The following SLC9A9 variants were observed in gnomAD, a reference collection of about 807,000 sequenced individuals.
SLC9A9 encodes the protein solute carrier family 9 member A9.
In SLC9A9, 62 loss-of-function variants were observed where a neutral mutation model predicts 77.8. That is an observed-to-expected ratio of 0.80 (90% CI 0.65 to 0.98). The LOEUF (loss-of-function observed/expected upper bound fraction) is 0.98. Ranked by LOEUF, SLC9A9 falls within the 50% of genes least tolerant of loss-of-function variation. The pLI is 0.00. For missense variants in SLC9A9, 775 were observed against 774.9 expected (o/e 1.00, Z 0.00); for synonymous variants, 320 against 283.5 (o/e 1.13, Z -1.29).
intron 1 of SLC9A9, among the ~76,000 whole-genome samples, chr3:143,846,014 T>C (rs1407082401): frequency 1.3e-5 from 2 of 152,212 alleles, no homozygotes; most frequent in South Asian, 2.1e-4. Flanking sequence ...TCAATAGCAG[T>C]GGTCAATGAA....
chr3:143,431,307 AC>A (rs1394331740), intron 12 of SLC9A9, among the ~76,000 whole-genome samples: 2 of 152,136 alleles, frequency 1.3e-5, no homozygotes. Flanking sequence ...AGCACATAGA[AC>A]CATGAATTAT....
intron 4 of SLC9A9, among the ~76,000 whole-genome samples, chr3:143,742,347 C>T (rs902287067): frequency 7.9e-5 from 12 of 152,170 alleles, no homozygotes; most frequent in African/African-American, 1.4e-4. Flanking sequence ...AATAAAACTC[C>T]GGTCTCCCAC....
chr3:143,637,274 A>T (rs558881506), intron 6 of SLC9A9, among the ~76,000 whole-genome samples: 79 of 152,298 alleles, frequency 5.2e-4, no homozygotes, highest in Admixed American at 4.1e-3. Context: ...TTTACTACAG[A>T]GATAGATATT....
chr3:143,270,305 G>A (rs573359392), intron 14 of SLC9A9, among the ~76,000 whole-genome samples: 5 of 152,180 alleles, frequency 3.3e-5, no homozygotes, highest in African/African-American at 4.8e-5. Context: ...TTCATTTTAT[G>A]TATGAAGGAA....
chr3:143,623,321 G>T (rs1277445608), intron 6 of SLC9A9, among the ~76,000 whole-genome samples: 1 of 152,168 alleles, frequency 6.6e-6, no homozygotes, highest in African/African-American at 2.4e-5. Flanking sequence ...ATTCTTCTCA[G>T]CACTACACAG....
At chr3:143,831,085 T>C (rs1272801839) in intron 2 of SLC9A9, among the ~76,000 whole-genome samples, 1 of 151,890 alleles carries the variant, frequency 6.6e-6, no homozygotes, top group African/African-American at 2.4e-5. Flanking sequence ...ACCAAGTACC[T>C]CCCCTTCTGT....
chr3:143,668,936 G>A (rs1406354422), intron 5 of SLC9A9, among the ~76,000 whole-genome samples: 7 of 151,924 alleles, frequency 4.6e-5, no homozygotes, highest in African/African-American at 1.5e-4. Flanking sequence ...TTTCTTGGCC[G>A]CTTTTCAAGA....
chr3:143,791,789 A>G (rs1345603354), intron 4 of SLC9A9, among the ~76,000 whole-genome samples: 1 of 152,218 alleles, frequency 6.6e-6, no homozygotes, highest in Non-Finnish European at 1.5e-5. Context: ...ATCTGCGTAT[A>G]TCTGCATAAA....
At chr3:143,704,679 C>G (rs1933910573) in intron 4 of SLC9A9, among the ~76,000 whole-genome samples, 2 of 142,190 alleles carry the variant, frequency 1.4e-5, no homozygotes, top group African/African-American at 5.3e-5. Context: ...ACCTAAGTGT[C>G]CATCAACAGA....
rs868347348 is a variant in SLC9A9 at position 143,495,224 on chromosome 3, C to A, written c.1203+111G>T. ...ATCACGTATCTGCCTTGTGTCTGAGCCTTGCAGTGGACTTTAGGAAAGTGC... is the reference window on the plus strand; with the variant it reads ...ATCACGTATCTGCCTTGTGTCTGAGACTTGCAGTGGACTTTAGGAAAGTGC... On this transcript the variant is annotated intron_variant, in intron 10 of 15. Coordinates refer to ENST00000316549, the MANE Select transcript of SLC9A9 (RefSeq NM_173653.4). 1.2e-5 allele frequency: 11 copies of A among 888,578 alleles called. No homozygotes were observed. The Middle Eastern group carries it at 1.3e-3, about 106-fold the overall frequency. 55.0% of individuals were successfully genotyped at this position (888,578 alleles called of 1,614,324 possible). A position where few individuals can be genotyped will look rare whatever the true frequency, so the allele number is the denominator to read the frequency against.
intron 4 of SLC9A9, among the ~76,000 whole-genome samples, chr3:143,738,774 T>A (rs1935003531): frequency 6.6e-6 from 1 of 152,182 alleles, no homozygotes; most frequent in Non-Finnish European, 1.5e-5. Context: ...CTGCAATAGC[T>A]CACAGAATTT....
chr3:143,528,756 A>G (rs181655224), intron 9 of SLC9A9, among the ~76,000 whole-genome samples: 2 of 152,202 alleles, frequency 1.3e-5, no homozygotes, highest in Non-Finnish European at 1.5e-5. Context: ...GCCACCTTCT[A>G]TACATTAACT....
intron 6 of SLC9A9, among the ~76,000 whole-genome samples, chr3:143,641,385 C>CTTTTTTTTTTTTTT (rs529425639): frequency 1.0e-4 from 8 of 78,820 alleles, no homozygotes; most frequent in Admixed American, 1.9e-4. Context: ...TTGTCACAGT[C>CTTTTTTTTTTTTTT]TTTTTTTTTT....
At chr3:143,367,871 T>C (rs528520617) in intron 13 of SLC9A9, among the ~76,000 whole-genome samples, 1 of 152,290 alleles carries the variant, frequency 6.6e-6, no homozygotes, top group African/African-American at 2.4e-5. Flanking sequence ...GTGGTGTGCA[T>C]GTTAGAACAA....
Position 143,662,140 on chromosome 3 carries a change from C to T in SLC9A9, c.650-9780G>A, listed in dbSNP as rs115249767. On this transcript the variant is annotated intron_variant, in intron 5 of 15. Coordinates refer to ENST00000316549, the MANE Select transcript of SLC9A9 (RefSeq NM_173653.4). The stretch of plus-strand genomic sequence containing the variant: ...CCACATTTTGTAGTTCAGTGTCTTA[C>T]AAGGTCAGGCAAGGAGAGAAAAAGA... 5.8e-3 allele frequency among the ~76,000 whole-genome samples: 883 copies of T among 152,246 alleles called. 2 individuals are homozygous for T. The highest frequency in any genetic ancestry group is 9.1e-3 in the Non-Finnish European group (619 of 68,014).
intron 6 of SLC9A9, among the ~76,000 whole-genome samples, chr3:143,616,181 C>T (rs917824782): frequency 2.6e-5 from 4 of 152,084 alleles, no homozygotes; most frequent in African/African-American, 9.7e-5. Flanking sequence ...CTGCCCTGGG[C>T]CTAAATTTCA....
At chr3:143,548,817 T>C (rs1036366691) in intron 9 of SLC9A9, among the ~76,000 whole-genome samples, 5 of 152,236 alleles carry the variant, frequency 3.3e-5, no homozygotes, top group Non-Finnish European at 5.9e-5. Context: ...CTTCAAGCTA[T>C]AAAGAATGCA....
At chr3:143,673,147 CTCT>C (rs1348924177) in intron 5 of SLC9A9, among the ~76,000 whole-genome samples, 1 of 152,158 alleles carries the variant, frequency 6.6e-6, no homozygotes, top group Non-Finnish European at 1.5e-5. Context: ...TTTTGGAAGA[CTCT>C]TATTTCCTCA....
intron 13 of SLC9A9, among the ~76,000 whole-genome samples, chr3:143,365,278 G>T (rs931038829): frequency 1.3e-5 from 2 of 152,164 alleles, no homozygotes; most frequent in Non-Finnish European, 2.9e-5. Flanking sequence ...GCCTACCTGA[G>T]GGTGGAAGGA....
Sources: allele counts gnomAD v4.1 joint callset (sites outside exome capture counted in the v4.1 genomes callset), GRCh38; gene constraint gnomAD v4.1.1; transcripts MANE v1.5; gene names NCBI Gene and HGNC (gene_info 2026-07-23, HGNC 2026-07-21).